GNA14: variants seen among roughly 807,000 people sequenced by gnomAD.
GNA14 encodes guanine nucleotide-binding protein subunit alpha-14.
Under a neutral mutation model 42.0 loss-of-function variants are expected in GNA14, and 50 were observed. That is an observed-to-expected ratio of 1.19 (90% CI 0.95 to 1.51). The LOEUF is 1.51. GNA14 is among the 40% of genes most tolerant of loss of function. The pLI, the probability that GNA14 is intolerant of heterozygous loss-of-function variation, is 0.00. For missense variants in GNA14, 473 were observed against 446.2 expected, an observed-to-expected ratio of 1.06 and a Z score of -0.54; for synonymous variants, 173 against 163.1, an observed-to-expected ratio of 1.06 and a Z score of -0.46.
chr9:77,644,023 G>A (rs1824310849), intron 1 of GNA14, among the ~76,000 whole-genome samples: 6 of 152,174 alleles, frequency 3.9e-5, no homozygotes, highest in Admixed American at 3.9e-4. Context: ...GTTTCTGGCT[G>A]AATTTAGTCC....
chr9:77,455,328 G>A (rs991740563), intron 2 of GNA14, among the ~76,000 whole-genome samples: 2 of 152,160 alleles, frequency 1.3e-5, no homozygotes, highest in Non-Finnish European at 2.9e-5. Flanking sequence ...CTTCTTTAAT[G>A]GGCTGATTAG....
At chr9:77,513,446 C>G (rs1026478692) in intron 2 of GNA14, among the ~76,000 whole-genome samples, 2 of 152,328 alleles carry the variant, frequency 1.3e-5, no homozygotes, top group African/African-American at 4.8e-5. Context: ...AAGATAAAAT[C>G]ATATATTTCC....
intron 2 of GNA14, among the ~76,000 whole-genome samples, chr9:77,497,491 G>A (rs887168599): frequency 2.0e-5 from 3 of 152,276 alleles, no homozygotes; most frequent in Non-Finnish European, 1.5e-5. Flanking sequence ...TTCAGACCTA[G>A]CAGGGCTGAG....
chr9:77,566,113 G>C (rs537765703), intron 1 of GNA14, among the ~76,000 whole-genome samples: 2 of 148,968 alleles, frequency 1.3e-5, no homozygotes, highest in African/African-American at 2.5e-5. Flanking sequence ...ACCCAGTTAA[G>C]CATAAATCCT....
intron 2 of GNA14, among the ~76,000 whole-genome samples, chr9:77,484,884 C>G (rs993609302): frequency 6.6e-6 from 1 of 152,130 alleles, no homozygotes; most frequent in Non-Finnish European, 1.5e-5. Flanking sequence ...AAACACTGTA[C>G]GTACCTTACT....
intron 1 of GNA14, among the ~76,000 whole-genome samples, chr9:77,599,126 A>AT (rs1347989381): frequency 2.6e-5 from 4 of 152,310 alleles, no homozygotes; most frequent in Non-Finnish European, 4.4e-5. Context: ...GGGTCAGGAA[A>AT]TTTTTCAGAG....
At chr9:77,637,850 C>A (rs577237338) in intron 1 of GNA14, among the ~76,000 whole-genome samples, 8 of 152,172 alleles carry the variant, frequency 5.3e-5, no homozygotes, top group African/African-American at 9.6e-5. Flanking sequence ...GTACCAGGAG[C>A]AGGCATATCA....
chr9:77,618,794 C>T (rs1372847051), intron 1 of GNA14, among the ~76,000 whole-genome samples: 6 of 146,280 alleles, frequency 4.1e-5, no homozygotes, highest in Admixed American at 2.0e-4. Flanking sequence ...CCACTACGCC[C>T]GGCTAATTTT....
chr9:77,442,061 A>G (rs1835745281), intron 2 of GNA14, among the ~76,000 whole-genome samples: 1 of 152,232 alleles, frequency 6.6e-6, no homozygotes, highest in African/African-American at 2.4e-5. Context: ...TTTTGCAAAT[A>G]TGCTTGAAAG....
chr9:77,599,695 G>A (rs1467731878), intron 1 of GNA14, among the ~76,000 whole-genome samples: 4 of 152,140 alleles, frequency 2.6e-5, no homozygotes, highest in Admixed American at 2.0e-4. Context: ...CAGATGCATT[G>A]GGAGGGTGTG....
chr9:77,466,609 G>C (rs1456643161), intron 2 of GNA14, among the ~76,000 whole-genome samples: 2 of 149,576 alleles, frequency 1.3e-5, no homozygotes, highest in Non-Finnish European at 3.0e-5. Flanking sequence ...GGCCTTCCAA[G>C]CCTGTTTTTT....
chr9:77,508,740 C>A (rs1837110726), intron 2 of GNA14, among the ~76,000 whole-genome samples: 1 of 152,064 alleles, frequency 6.6e-6, no homozygotes, highest in African/African-American at 2.4e-5. Flanking sequence ...ATGGCTGTGT[C>A]CAAGACTGGG....
intron 1 of GNA14, among the ~76,000 whole-genome samples, chr9:77,593,248 G>A (rs1724403029): frequency 6.6e-6 from 1 of 152,106 alleles, no homozygotes; most frequent in Admixed American, 6.5e-5. Context: ...AGAACCATGA[G>A]TAGCAAGGCA....
chr9:77,482,544 C>T (rs1038677714), intron 2 of GNA14, among the ~76,000 whole-genome samples: 2 of 152,020 alleles, frequency 1.3e-5, no homozygotes, highest in Non-Finnish European at 2.9e-5. Flanking sequence ...TGGAGTTGCT[C>T]GTCTTGAAGA....
At chr9:77,614,128 G>A (rs1365434735) in intron 1 of GNA14, among the ~76,000 whole-genome samples, 1 of 152,058 alleles carries the variant, frequency 6.6e-6, no homozygotes, top group South Asian at 2.1e-4. Flanking sequence ...CATGTTCATG[G>A]TTGGCCAGCT....
intron 5 of GNA14, among the ~76,000 whole-genome samples, chr9:77,427,665 G>A (rs1034395489): frequency 6.6e-6 from 1 of 152,244 alleles, no homozygotes; most frequent in African/African-American, 2.4e-5. Context: ...AAGTGGCTGT[G>A]AGGGTCCTCT....
At chr9:77,504,280 A>G (rs1158672966) in intron 2 of GNA14, among the ~76,000 whole-genome samples, 1 of 152,118 alleles carries the variant, frequency 6.6e-6, no homozygotes, top group Non-Finnish European at 1.5e-5. Context: ...TAAGCCTTAA[A>G]TATTTGATCT....
intron 1 of GNA14, among the ~76,000 whole-genome samples, chr9:77,636,101 C>A (rs1824180103): frequency 6.6e-6 from 1 of 152,154 alleles, no homozygotes; most frequent in Non-Finnish European, 1.5e-5. Flanking sequence ...GATAATTCTA[C>A]AAAAGATTAA....
At chr9:77,428,559 A>G (rs2131687464) in intron 5 of GNA14, among the ~76,000 whole-genome samples, 1 of 152,188 alleles carries the variant, frequency 6.6e-6, no homozygotes, top group South Asian at 2.1e-4. Flanking sequence ...CTGGGGTTGG[A>G]CTCAGGCACC....
Sources: allele counts gnomAD v4.1 joint callset (sites outside exome capture counted in the v4.1 genomes callset), GRCh38; gene constraint gnomAD v4.1.1; transcripts MANE v1.5; gene names NCBI Gene and HGNC (gene_info 2026-07-23, HGNC 2026-07-21).